The following CLEC4A variants were observed in gnomAD, a reference collection of about 807,000 sequenced individuals.
The protein encoded by CLEC4A is C-type lectin domain family 4 member A.
Under a neutral mutation model 32.7 loss-of-function variants are expected in CLEC4A, and 27 were observed. The ratio of observed to expected loss-of-function variants is 0.83; its 90% CI spans 0.61 to 1.14. The LOEUF (loss-of-function observed/expected upper bound fraction) is 1.14. Among genes scored for constraint, CLEC4A ranks in the 50% most tolerant of loss-of-function variants. The probability of loss-of-function intolerance (pLI) is 0.00; values close to 1 mark genes in which losing one functional copy is unlikely to be tolerated. For synonymous variants in CLEC4A, 89 were observed against 93.7 expected (o/e 0.95, Z 0.29); for missense variants, 253 against 274.6 (o/e 0.92, Z 0.55).
chr12:8,111,639 GT>G, the CLEC4A span, among the ~76,000 whole-genome samples: 1 of 152,096 alleles, frequency 6.6e-6, no homozygotes, highest in Non-Finnish European at 1.5e-5. Context: ...ATTTGCTTAT[GT>G]TTAGTTTATG....
chr12:8,107,344 C>T, the CLEC4A span, among the ~76,000 whole-genome samples: 51 of 152,114 alleles, frequency 3.4e-4, no homozygotes, highest in African/African-American at 1.2e-3. Context: ...CTTTTTTATT[C>T]TGTCTCTGCC....
At chr12:8,112,190 A>ACTCTTGACCTCAGGTGATCCG in the CLEC4A span, among the ~76,000 whole-genome samples, 13 of 151,888 alleles carry the variant, frequency 8.6e-5, no homozygotes, top group South Asian at 2.7e-3. Flanking sequence ...CTGGTCTCAA[A>ACTCTTGACCTCAGGTGATCCG]CTCTTGACCT....
chr12:8,121,937 G>A (rs908028510), upstream of CLEC4A: 1 of 153,142 alleles, frequency 6.5e-6, no homozygotes, highest in Non-Finnish European at 1.5e-5. Context: ...CATGCCTAGT[G>A]TTGGCCCAGT....
At chr12:8,134,584 A>G (rs1948059614) in intron 3 of CLEC4A, 5 of 1,613,292 alleles carry the variant, frequency 3.1e-6, no homozygotes, top group Non-Finnish European at 3.4e-6. Context: ...GAGGTCTCCA[A>G]GCCGTCTTGG....
chr12:8,132,029 G>A (rs1405108182), intron 3 of CLEC4A, among the ~76,000 whole-genome samples: 1 of 152,058 alleles, frequency 6.6e-6, no homozygotes, highest in Admixed American at 6.6e-5. Context: ...CCCAGTGTGT[G>A]TTGTTCCCCA....
intron 2 of CLEC4A, among the ~76,000 whole-genome samples, chr12:8,126,440 G>A (rs1175057541): frequency 7.0e-6 from 1 of 143,142 alleles, no homozygotes; most frequent in Non-Finnish European, 1.5e-5. Flanking sequence ...GCCTTGTCCT[G>A]AACTCCTGGG....
chr12:8,135,491 C>A, intron 3 of CLEC4A, 94 bp from the exon 4 acceptor site: 1 of 1,318,254 alleles, frequency 7.6e-7, no homozygotes, highest in Non-Finnish European at 1.0e-6. Context: ...TTCCAGCTTC[C>A]ATGTGCTCTC....
At chr12:8,110,300 TA>T in the CLEC4A span, among the ~76,000 whole-genome samples, 2 of 151,894 alleles carry the variant, frequency 1.3e-5, no homozygotes, top group African/African-American at 4.8e-5. Flanking sequence ...ATAGAGAGGT[TA>T]AAAAAAACTT....
chr12:8,111,863 T>C, the CLEC4A span, among the ~76,000 whole-genome samples: 6 of 151,614 alleles, frequency 4.0e-5, no homozygotes, highest in African/African-American at 1.5e-4. Context: ...TTTAAAAAAC[T>C]TCAACTTTTT....
intron 3 of CLEC4A, chr12:8,133,847 G>C: frequency 6.3e-7 from 1 of 1,584,514 alleles, no homozygotes; most frequent in Non-Finnish European, 8.6e-7. Flanking sequence ...GAAAGGGACC[G>C]AGGAGTACAG....
intron 3 of CLEC4A, chr12:8,133,825 T>C: frequency 6.3e-7 from 1 of 1,586,258 alleles, no homozygotes; most frequent in Non-Finnish European, 8.6e-7. Flanking sequence ...GGGGAAAGGC[T>C]TCCCCCTCAG....
chr12:8,128,150 G>A (rs761918242), intron 2 of CLEC4A, among the ~76,000 whole-genome samples: 22 of 152,122 alleles, frequency 1.4e-4, no homozygotes, highest in Non-Finnish European at 2.9e-4. Context: ...TGGAGGAAAC[G>A]GAGCTCATCA....
chr12:8,122,062 G>A (rs147750922), upstream of CLEC4A, among the ~76,000 whole-genome samples: 201 of 152,182 alleles, frequency 1.3e-3, 1 homozygote, highest in African/African-American at 4.6e-3. Context: ...ATGTGGTGGG[G>A]TAGCCCAGTG....
chr12:8,112,204 G>T, the CLEC4A span, among the ~76,000 whole-genome samples: 1 of 152,024 alleles, frequency 6.6e-6, no homozygotes. Flanking sequence ...TTGACCTCAG[G>T]TGATCCGCCC....
intron 3 of CLEC4A, among the ~76,000 whole-genome samples, chr12:8,133,298 G>T (rs1378496811): frequency 6.6e-6 from 1 of 152,026 alleles, no homozygotes; most frequent in Non-Finnish European, 1.5e-5. Context: ...TGATCCGCCC[G>T]CCTCAGCCTC....
chr12:8,126,004 A>G (rs918883074), intron 2 of CLEC4A, among the ~76,000 whole-genome samples: 1 of 152,224 alleles, frequency 6.6e-6, no homozygotes, highest in African/African-American at 2.4e-5. Flanking sequence ...TTTCCTTGGT[A>G]GCATTTATCA....
chr12:8,132,284 A>C (rs771266926), intron 3 of CLEC4A, among the ~76,000 whole-genome samples: 1 of 152,276 alleles, frequency 6.6e-6, no homozygotes, highest in East Asian at 1.9e-4. Flanking sequence ...TATTTCTTTG[A>C]GGAGCCCTAG....
At chr12:8,113,898 C>A in the CLEC4A span, among the ~76,000 whole-genome samples, 4 of 152,182 alleles carry the variant, frequency 2.6e-5, no homozygotes, top group Admixed American at 2.6e-4. Flanking sequence ...AAAGAGGGGA[C>A]AATTTATCCA....
At chr12:8,134,674 TCC>T (rs1272345686) in intron 3 of CLEC4A, 2 of 1,581,604 alleles carry the variant, frequency 1.3e-6, no homozygotes, top group African/African-American at 2.7e-5. Flanking sequence ...CATGGGGGAA[TCC>T]CCCACTCCTC....
Sources: allele counts gnomAD v4.1 joint callset (sites outside exome capture counted in the v4.1 genomes callset), GRCh38; gene constraint gnomAD v4.1.1; transcripts MANE v1.5; gene names NCBI Gene and HGNC (gene_info 2026-07-23, HGNC 2026-07-21).